Variants in PLCE1 observed in about 807,000 individuals in gnomAD.
PLCE1 encodes phospholipase C epsilon 1.
PLCE1 carries 119 observed loss-of-function variants against 242.8 expected under a neutral mutation model. The ratio of observed to expected loss-of-function variants is 0.49; its 90% CI spans 0.42 to 0.57. The LOEUF is 0.57. PLCE1 is among the 20% of genes least tolerant of loss of function. The pLI, the probability that PLCE1 is intolerant of heterozygous loss-of-function variation, is 0.00. For synonymous variants in PLCE1, 945 were observed against 1,017.4 expected (o/e 0.93, Z 1.35); for missense variants, 2,441 against 2,788.8 (o/e 0.88, Z 2.81).
At chr10:94,152,662 A>T (rs1398527451) in intron 3 of PLCE1, among the ~76,000 whole-genome samples, 1 of 152,228 alleles carries the variant, frequency 6.6e-6, no homozygotes, top group Non-Finnish European at 1.5e-5. Flanking sequence ...TCAGCCACGG[A>T]GTTGCTGATA....
rs181090829 is a variant in PLCE1, at chr10:94,020,612, G to A, written c.-364-10071G>A. 1.4e-3 allele frequency among the ~76,000 whole-genome samples: 217 copies of A among 151,476 alleles called. 3 individuals carry two copies. The highest frequency in any genetic ancestry group is 4.9e-3 in the African/African-American group (203 of 41,322). ...TTTATAATTTTAGCTTTTATGTGTC[G>A]GACTATTATCTATTTTGAGTTAATT... On this transcript the variant is annotated intron_variant, in intron 1 of 32. Coordinates refer to ENST00000371380, the MANE Select transcript of PLCE1 (RefSeq NM_016341.4).
At chr10:94,006,285 AT>A (rs2134219764) in intron 1 of PLCE1, among the ~76,000 whole-genome samples, 1 of 152,362 alleles carries the variant, frequency 6.6e-6, no homozygotes, top group Non-Finnish European at 1.5e-5. Flanking sequence ...GACATGTAAT[AT>A]CATCTGTTAT....
rs2054155286 is a variant in PLCE1 at position 94,331,494 on chromosome 10, T to A, written c.*3551T>A. The A allele has an allele frequency of 1.3e-5, 2 of 152,218 alleles. No individual in the cohort carries two copies. Among genetic ancestry groups the A allele is most frequent in the African/African-American group, 4.8e-5 (2 of 41,460 alleles). 9.4% of individuals were successfully genotyped at this position (152,218 alleles called of 1,614,324 possible). A position where few individuals can be genotyped will look rare whatever the true frequency, so the allele number is the denominator to read the frequency against. On this transcript the variant is annotated 3_prime_UTR_variant, in exon 33 of 33. Transcript: ENST00000371380. ...ACAAAACTCCACATCTATGCTCCCA[T>A]GCTAGTAAAGAAGAGTAGGATTTTC... is the stretch of plus-strand genomic sequence containing the variant.
intron 27 of PLCE1, among the ~76,000 whole-genome samples, chr10:94,309,363 C>T (rs2053309834): frequency 6.6e-6 from 1 of 151,862 alleles, no homozygotes; most frequent in Non-Finnish European, 1.5e-5. Flanking sequence ...CCCAGTGTCA[C>T]TCTGTCACCC....
chr10:94,235,154 C>T (rs900840831), intron 6 of PLCE1, among the ~76,000 whole-genome samples: 1 of 151,538 alleles, frequency 6.6e-6, no homozygotes, highest in Non-Finnish European at 1.5e-5. Flanking sequence ...CAACCTTCAG[C>T]CTCTTCTTTG....
At chr10:94,055,402 A>AC (rs1168278828) in intron 2 of PLCE1, among the ~76,000 whole-genome samples, 4 of 150,458 alleles carry the variant, frequency 2.7e-5, no homozygotes, top group East Asian at 2.0e-4. Context: ...CCTCCACCCC[A>AC]CCCCCCGGGT....
At chr10:94,133,929 T>G (rs563593542) in intron 3 of PLCE1, among the ~76,000 whole-genome samples, 1 of 152,182 alleles carries the variant, frequency 6.6e-6, no homozygotes, top group African/African-American at 2.4e-5. Context: ...ATGTGGCACC[T>G]AGAGAGTACC....
intron 4 of PLCE1, among the ~76,000 whole-genome samples, chr10:94,225,643 A>G (rs1026221373): frequency 1.3e-5 from 2 of 152,206 alleles, no homozygotes; most frequent in Non-Finnish European, 2.9e-5. Flanking sequence ...AAAGGAAGAA[A>G]GAAAGAAAGA....
At chr10:94,071,317 T>G (rs1488273687) in intron 2 of PLCE1, among the ~76,000 whole-genome samples, 1 of 152,004 alleles carries the variant, frequency 6.6e-6, no homozygotes, top group Non-Finnish European at 1.5e-5. Flanking sequence ...CATCTTTTTT[T>G]CTCCTCTGGG....
chr10:94,280,587 C>T (rs1235896060), intron 20 of PLCE1: 1 of 152,580 alleles, frequency 6.6e-6, no homozygotes, highest in African/African-American at 2.4e-5. Flanking sequence ...AATGTTTACT[C>T]AGGTACCTTT....
At chr10:94,295,076 C>T (rs1462213495) in intron 23 of PLCE1, among the ~76,000 whole-genome samples, 2 of 151,738 alleles carry the variant, frequency 1.3e-5, no homozygotes, top group Non-Finnish European at 2.9e-5. Context: ...CCACCACGCC[C>T]GGCTACTTTT....
intron 8 of PLCE1, among the ~76,000 whole-genome samples, chr10:94,247,362 G>A (rs2050722003): frequency 1.3e-5 from 2 of 150,908 alleles, no homozygotes; most frequent in Admixed American, 1.3e-4. Context: ...CATAAAAATA[G>A]TCCCAGGATC....
rs1259274039 is a variant in PLCE1, at chr10:94,283,946, C to T, written c.4917+35C>T. 6 of 1,602,110 alleles carry T rather than the reference C, an allele frequency of 3.7e-6. No homozygotes were observed. In the Admixed American group the frequency reaches 5.0e-5, roughly 13 times the overall value. On this transcript the variant is annotated intron_variant, in intron 21 of 32. Transcript: ENST00000371380. The stretch of plus-strand genomic sequence containing the variant: ...CGGTTTCTGTTAAATGACACTTTGA[C>T]CATGTGGTACTCTTGTCAGTTTCAG...
chr10:94,255,792 CCA>C (rs2051050352), intron 11 of PLCE1, among the ~76,000 whole-genome samples: 1 of 151,888 alleles, frequency 6.6e-6, no homozygotes, highest in Non-Finnish European at 1.5e-5. Flanking sequence ...GAATGCTGCT[CCA>C]TCCTCCTGTA....
intron 2 of PLCE1, among the ~76,000 whole-genome samples, chr10:94,061,486 G>A (rs2044054342): frequency 6.6e-6 from 1 of 152,158 alleles, no homozygotes; most frequent in African/African-American, 2.4e-5. Context: ...CCAAGCAATA[G>A]CCAGACTTTC....
chr10:94,124,445 A>C (rs1461267566), intron 2 of PLCE1, among the ~76,000 whole-genome samples: 1 of 152,032 alleles, frequency 6.6e-6, no homozygotes, highest in Non-Finnish European at 1.5e-5. Context: ...ATTATAGAAC[A>C]GTAACACTAA....
At chr10:94,104,366 G>A (rs1009789592) in intron 2 of PLCE1, 5 of 152,214 alleles carry the variant, frequency 3.3e-5, no homozygotes, top group African/African-American at 1.2e-4. Flanking sequence ...GTGGTTAGTA[G>A]TGTTGCCAAT....
At chr10:94,012,085 C>T (rs983151589) in intron 1 of PLCE1, among the ~76,000 whole-genome samples, 17 of 152,220 alleles carry the variant, frequency 1.1e-4, no homozygotes, top group African/African-American at 3.1e-4. Context: ...GAAGCTGCAC[C>T]GTCCCAGGGT....
At chr10:94,277,809 G>C (rs2052019356) in intron 19 of PLCE1, among the ~76,000 whole-genome samples, 1 of 152,198 alleles carries the variant, frequency 6.6e-6, no homozygotes, top group Admixed American at 6.5e-5. Context: ...GGTTAAGTAA[G>C]CATGGGAAAT....
Sources: gnomAD v4.1 joint callset for allele counts (sites outside exome capture counted in the v4.1 genomes callset) on GRCh38, gnomAD v4.1.1 for gene constraint, MANE v1.5 for transcripts, NCBI Gene and HGNC (gene_info 2026-07-23, HGNC 2026-07-21) for gene names.